NELL1: variants seen among roughly 807,000 people sequenced by gnomAD.
The protein encoded by NELL1 is protein kinase C-binding protein NELL1.
Under a neutral mutation model 107.4 loss-of-function variants are expected in NELL1, and 76 were observed. The observed-to-expected ratio is 0.71, with a 90% CI of 0.59 to 0.86. The LOEUF (loss-of-function observed/expected upper bound fraction) is 0.86, where lower values mean the gene tolerates loss of function less well. NELL1 is among the 40% of genes least tolerant of loss of function. The pLI is 0.00. For synonymous variants in NELL1, 353 were observed against 341.2 expected, an observed-to-expected ratio of 1.03 and a Z score of -0.38; for missense variants, 1,024 against 1,005.5, an observed-to-expected ratio of 1.02 and a Z score of -0.25.
At chr11:21,128,078 C>G (rs1220405300) in intron 13 of NELL1, among the ~76,000 whole-genome samples, 1 of 152,100 alleles carries the variant, frequency 6.6e-6, no homozygotes, top group African/African-American at 2.4e-5. Flanking sequence ...TGCTTACGGA[C>G]TCCTGGAGGG....
intron 14 of NELL1, among the ~76,000 whole-genome samples, chr11:21,243,120 T>C (rs1202560140): frequency 6.6e-6 from 1 of 152,106 alleles, no homozygotes; most frequent in Non-Finnish European, 1.5e-5. Flanking sequence ...CCATTTTTAA[T>C]GTGGTATATT....
intron 2 of NELL1, among the ~76,000 whole-genome samples, chr11:20,687,321 G>C (rs931284213): frequency 6.6e-6 from 1 of 151,870 alleles, no homozygotes; most frequent in African/African-American, 2.4e-5. Flanking sequence ...CAAAACTAAG[G>C]ACTTCAGTGC....
Position 20,754,126 on chromosome 11 carries a change from A to C in NELL1, c.185-29554A>C, listed in dbSNP as rs527536140. Among the ~76,000 whole-genome samples, 157 of 152,222 alleles carry C rather than the reference A, an allele frequency of 1.0e-3. 3 individuals are homozygous for C. Among genetic ancestry groups the C allele is most frequent in the South Asian group, 4.8e-3 (23 of 4,822 alleles). ...AAGTGGGTGAGTGGTGGATCTCCAG[A>C]GGAAAATCACTGTGTAGCTACCAAA... On this transcript the variant is annotated intron_variant, in intron 2 of 19. Coordinates refer to ENST00000357134, the MANE Select transcript of NELL1 (RefSeq NM_006157.5).
At chr11:21,193,659 T>C (rs948742438) in intron 13 of NELL1, among the ~76,000 whole-genome samples, 2 of 151,870 alleles carry the variant, frequency 1.3e-5, no homozygotes, top group Admixed American at 1.3e-4. Context: ...TGGGAAGTTT[T>C]GATTTGTGAT....
chr11:21,160,135 A>T (rs567706785), intron 13 of NELL1, among the ~76,000 whole-genome samples: 1 of 152,326 alleles, frequency 6.6e-6, no homozygotes, highest in Admixed American at 6.5e-5. Flanking sequence ...AAAGAATACA[A>T]AGAGAGCATA....
At chr11:21,434,003 T>C (rs1464748826) in intron 15 of NELL1, among the ~76,000 whole-genome samples, 1 of 152,218 alleles carries the variant, frequency 6.6e-6, no homozygotes, top group Admixed American at 6.5e-5. Flanking sequence ...TTTTGAAACA[T>C]GTTTACTCAA....
At chr11:21,241,904 AT>A (rs10652603) in intron 14 of NELL1, among the ~76,000 whole-genome samples, 31,152 of 133,942 alleles carry the variant, frequency 0.23, 3,204 homozygotes, top group African/African-American at 0.32. Context: ...GTCTGTTTCT[AT>A]TTTTTTTTTT....
chr11:21,482,514 G>A (rs958065321), intron 15 of NELL1, among the ~76,000 whole-genome samples: 4 of 152,168 alleles, frequency 2.6e-5, no homozygotes, highest in Admixed American at 2.0e-4. Flanking sequence ...GCAAAGCAGA[G>A]ATAATATTCT....
intron 5 of NELL1, among the ~76,000 whole-genome samples, chr11:20,896,806 T>C (rs944839436): frequency 6.6e-6 from 1 of 152,070 alleles, no homozygotes; most frequent in African/African-American, 2.4e-5. Context: ...TGAACTCCCA[T>C]TCACAATTGC....
intron 14 of NELL1, among the ~76,000 whole-genome samples, chr11:21,263,903 A>G (rs1848584072): frequency 6.6e-6 from 1 of 152,000 alleles, no homozygotes. Flanking sequence ...TCCTTAAAAA[A>G]TGGAAAAAAA....
chr11:20,829,038 T>A (rs2134034233), intron 3 of NELL1, among the ~76,000 whole-genome samples: 1 of 152,312 alleles, frequency 6.6e-6, no homozygotes, highest in African/African-American at 2.4e-5. Context: ...CTTCCTTGGC[T>A]AGGCCTCTTA....
intron 10 of NELL1, among the ~76,000 whole-genome samples, chr11:20,938,805 A>T (rs1850780791): frequency 6.6e-6 from 1 of 152,166 alleles, no homozygotes. Context: ...GAGAGTGATG[A>T]GAGATGAACC....
chr11:21,509,904 G>T (rs1365384472), intron 15 of NELL1, among the ~76,000 whole-genome samples: 1 of 152,152 alleles, frequency 6.6e-6, no homozygotes, highest in African/African-American at 2.4e-5. Context: ...TCATTGCCCT[G>T]ATGATGATTA....
chr11:21,389,014 G>A (rs952552030), intron 15 of NELL1, among the ~76,000 whole-genome samples: 1 of 151,516 alleles, frequency 6.6e-6, no homozygotes, highest in African/African-American at 2.4e-5. Flanking sequence ...CACTACACTC[G>A]TATTTTCATG....
At chr11:20,750,793 G>T (rs1856116134) in intron 2 of NELL1, among the ~76,000 whole-genome samples, 1 of 152,120 alleles carries the variant, frequency 6.6e-6, no homozygotes, top group Non-Finnish European at 1.5e-5. Context: ...TCACAATGTT[G>T]CTCAGGCTGG....
At chr11:20,776,961 AT>A (rs1419599641) in intron 2 of NELL1, among the ~76,000 whole-genome samples, 1 of 152,240 alleles carries the variant, frequency 6.6e-6, no homozygotes, top group African/African-American at 2.4e-5. Context: ...TATTTACCTC[AT>A]AAGGGTTGTA....
intron 14 of NELL1, among the ~76,000 whole-genome samples, chr11:21,316,171 C>T (rs574662214): frequency 1.0e-3 from 154 of 152,152 alleles, no homozygotes; most frequent in Non-Finnish European, 1.4e-3. Context: ...CCTTCCATCA[C>T]CACAGCTAAA....
chr11:20,956,600 C>A (rs1014120816), intron 11 of NELL1, among the ~76,000 whole-genome samples: 8 of 149,922 alleles, frequency 5.3e-5, no homozygotes, highest in Non-Finnish European at 1.0e-4. Context: ...GAGCTGAGAT[C>A]ACGCCACTGC....
intron 15 of NELL1, among the ~76,000 whole-genome samples, chr11:21,529,894 T>C (rs1338295878): frequency 6.6e-6 from 1 of 152,170 alleles, no homozygotes; most frequent in Non-Finnish European, 1.5e-5. Context: ...AACAAAGACT[T>C]GTGAAATCTA....
Sources: allele counts gnomAD v4.1 joint callset (sites outside exome capture counted in the v4.1 genomes callset), GRCh38; gene constraint gnomAD v4.1.1; transcripts MANE v1.5; gene names NCBI Gene and HGNC (gene_info 2026-07-23, HGNC 2026-07-21).